RBFOX1: variants seen among roughly 807,000 people sequenced by gnomAD.
The protein encoded by RBFOX1 is RNA binding fox-1 homolog 1.
In RBFOX1, 8 loss-of-function variants were observed where a neutral mutation model predicts 57.7. The observed-to-expected ratio is 0.14, with a 90% CI of 0.08 to 0.25. RBFOX1 has a LOEUF of 0.25. RBFOX1 is among the 10% of genes least tolerant of loss of function. The probability of loss-of-function intolerance (pLI) is 1.00; values close to 1 mark genes in which losing one functional copy is unlikely to be tolerated. For missense variants in RBFOX1, 611 were observed against 548.5 expected (o/e 1.11, Z -1.14); for synonymous variants, 326 against 222.4 (o/e 1.47, Z -4.15).
chr16:5,673,342 T>A (rs1209715716), intron 3 of RBFOX1, among the ~76,000 whole-genome samples: 2 of 151,838 alleles, frequency 1.3e-5, no homozygotes, highest in Non-Finnish European at 2.9e-5. Context: ...GTCGACAGGG[T>A]TGATATCAAG....
intron 4 of RBFOX1, among the ~76,000 whole-genome samples, chr16:7,241,457 T>A (rs756666640): frequency 6.6e-6 from 1 of 152,144 alleles, no homozygotes. Flanking sequence ...ATTAAACCCT[T>A]TGGTTCATTC....
chr16:7,492,666 A>AT (rs1841105614), intron 4 of RBFOX1, among the ~76,000 whole-genome samples: 1 of 152,086 alleles, frequency 6.6e-6, no homozygotes, highest in Non-Finnish European at 1.5e-5. Flanking sequence ...ATGAAGGCAG[A>AT]TTTTTTTATG....
At chr16:7,059,828 C>T (rs966578441) in intron 4 of RBFOX1, among the ~76,000 whole-genome samples, 2 of 152,092 alleles carry the variant, frequency 1.3e-5, no homozygotes, top group Admixed American at 6.6e-5. Flanking sequence ...CTGCACTTTT[C>T]ATTGTAATTA....
intron 3 of RBFOX1, among the ~76,000 whole-genome samples, chr16:6,856,193 G>C (rs1169801566): frequency 6.6e-6 from 1 of 151,290 alleles, no homozygotes; most frequent in Non-Finnish European, 1.5e-5. Context: ...AATGTGTATT[G>C]AGAACCAGAT....
chr16:6,062,145 C>A (rs907925857), intron 1 of RBFOX1, among the ~76,000 whole-genome samples: 1 of 152,194 alleles, frequency 6.6e-6, no homozygotes, highest in African/African-American at 2.4e-5. Context: ...TGCAGAGCTT[C>A]CTTGCCGTCT....
At chr16:7,585,884 G>C (rs1257418173) in intron 6 of RBFOX1, among the ~76,000 whole-genome samples, 2 of 152,030 alleles carry the variant, frequency 1.3e-5, no homozygotes, top group African/African-American at 2.4e-5. Flanking sequence ...CTTCTTGTGT[G>C]GTCTTTTTGT....
chr16:6,845,517 G>T (rs1207064294), intron 3 of RBFOX1, among the ~76,000 whole-genome samples: 1 of 152,074 alleles, frequency 6.6e-6, no homozygotes, highest in South Asian at 2.1e-4. Context: ...TCTGAGTTCT[G>T]TGTTCTGTTC....
At chr16:6,043,017 TA>T (rs1250807062) in intron 1 of RBFOX1, among the ~76,000 whole-genome samples, 6 of 150,656 alleles carry the variant, frequency 4.0e-5, no homozygotes, top group African/African-American at 1.5e-4. Context: ...CTTGGGAGGC[TA>T]AGGCACCAAG....
intron 4 of RBFOX1, among the ~76,000 whole-genome samples, chr16:7,391,040 C>A (rs2098004609): frequency 6.6e-6 from 1 of 152,026 alleles, no homozygotes; most frequent in Non-Finnish European, 1.5e-5. Flanking sequence ...CATTGGTAAG[C>A]CTTGTTGTGC....
At chr16:7,155,208 T>C (rs1440484295) in intron 4 of RBFOX1, among the ~76,000 whole-genome samples, 1 of 152,108 alleles carries the variant, frequency 6.6e-6, no homozygotes, top group African/African-American at 2.4e-5. Flanking sequence ...ACAAAGTTTT[T>C]AGCTTTTTAA....
intron 3 of RBFOX1, among the ~76,000 whole-genome samples, chr16:6,992,325 C>T (rs562608103): frequency 6.6e-6 from 1 of 152,200 alleles, no homozygotes; most frequent in East Asian, 1.9e-4. Flanking sequence ...TCAAGCAATT[C>T]TCCTGCCTCA....
chr16:7,411,332 T>C (rs1597756817), intron 4 of RBFOX1, among the ~76,000 whole-genome samples: 1 of 152,260 alleles, frequency 6.6e-6, no homozygotes, highest in East Asian at 1.9e-4. Flanking sequence ...CTCCTCAGTT[T>C]AGCCACAATT....
At chr16:6,506,296 C>G (rs898298813) in intron 2 of RBFOX1, among the ~76,000 whole-genome samples, 1 of 152,016 alleles carries the variant, frequency 6.6e-6, no homozygotes, top group Non-Finnish European at 1.5e-5. Flanking sequence ...GTAGTGACAG[C>G]AGCCAGCAGG....
At chr16:6,114,619 T>G (rs539645812) in intron 1 of RBFOX1, among the ~76,000 whole-genome samples, 1 of 152,228 alleles carries the variant, frequency 6.6e-6, no homozygotes, top group East Asian at 1.9e-4. Context: ...TCAGTCTTTC[T>G]GATACTGTTT....
chr16:7,045,413 C>G (rs536791254), intron 3 of RBFOX1, among the ~76,000 whole-genome samples: 57 of 152,224 alleles, frequency 3.7e-4, no homozygotes, highest in African/African-American at 1.3e-3. Context: ...TTCTTATTCC[C>G]AAATCTCATT....
At chr16:6,601,851 G>T (rs1475589480) in intron 2 of RBFOX1, among the ~76,000 whole-genome samples, 1 of 152,198 alleles carries the variant, frequency 6.6e-6, no homozygotes, top group African/African-American at 2.4e-5. Flanking sequence ...AGAGGGGTTA[G>T]AGCTTGAAGA....
At chr16:5,938,385 A>C (rs2059209945) in intron 4 of RBFOX1, among the ~76,000 whole-genome samples, 1 of 152,174 alleles carries the variant, frequency 6.6e-6, no homozygotes, top group Non-Finnish European at 1.5e-5. Context: ...CACATTCTCA[A>C]GCTGAGTGAC....
intron 4 of RBFOX1, among the ~76,000 whole-genome samples, chr16:7,100,830 A>C (rs2062565648): frequency 6.6e-6 from 1 of 152,188 alleles, no homozygotes; most frequent in Admixed American, 6.5e-5. Context: ...TGTGTTGTCA[A>C]ATTGAGAAAT....
chr16:7,442,918 C>G (rs775191524), intron 4 of RBFOX1, among the ~76,000 whole-genome samples: 2 of 152,196 alleles, frequency 1.3e-5, no homozygotes, highest in South Asian at 2.1e-4. Flanking sequence ...GAGCCATTGC[C>G]TGTTCCTGAC....
Sources: gnomAD v4.1 joint callset for allele counts (sites outside exome capture counted in the v4.1 genomes callset) on GRCh38, gnomAD v4.1.1 for gene constraint, MANE v1.5 for transcripts, NCBI Gene and HGNC (gene_info 2026-07-23, HGNC 2026-07-21) for gene names.